Variants in TMEM178B observed in about 807,000 individuals in gnomAD.
The protein encoded by TMEM178B is transmembrane protein 178B.
In TMEM178B, 5 loss-of-function variants were observed where a neutral mutation model predicts 31.0. The observed-to-expected ratio is 0.16, with a 90% CI of 0.08 to 0.34. The LOEUF is 0.34. Ranked by LOEUF, TMEM178B falls within the 10% of genes least tolerant of loss-of-function variation. The probability of loss-of-function intolerance (pLI) is 1.00; values close to 1 mark genes in which losing one functional copy is unlikely to be tolerated. For missense variants in TMEM178B, 275 were observed against 400.3 expected (o/e 0.69, Z 2.67); for synonymous variants, 164 against 164.0 (o/e 1.00, Z 0.00).
At chr7:141,458,205 C>T (rs1224985372) in intron 3 of TMEM178B, among the ~76,000 whole-genome samples, 2 of 152,152 alleles carry the variant, frequency 1.3e-5, no homozygotes. Flanking sequence ...CTGCAACCTT[C>T]GTCTCCCGGG....
chr7:141,281,204 G>C (rs1798353525), intron 2 of TMEM178B, among the ~76,000 whole-genome samples: 1 of 152,082 alleles, frequency 6.6e-6, no homozygotes, highest in Non-Finnish European at 1.5e-5. Flanking sequence ...CTGCAGGGCT[G>C]CACCTAGAAT....
rs869132131 is a variant in TMEM178B at position 141,438,696 on chromosome 7, T to TAAAAAA, written c.634+976_634+981dup. Among the ~76,000 whole-genome samples the TAAAAAA allele has an allele frequency of 1.9e-3, 55 of 28,996 alleles. 8 individuals carry two copies. Among genetic ancestry groups the TAAAAAA allele is most frequent in the Admixed American group, 2.3e-3 (4 of 1,746 alleles). The allele number at this position is 28,996 out of a possible 152,430, so 19.0% of individuals were successfully genotyped here. ...CAGCTTGGTAAAACCCCGTCTCTAC[T>TAAAAAA]AAAAAAAAAAAAAAAAAAAAAAAAA... On this transcript the variant is annotated intron_variant, in intron 3 of 3. Coordinates refer to ENST00000565468, the MANE Select transcript of TMEM178B (RefSeq NM_001195278.2).
In TMEM178B at chr7:141,074,601, C is replaced by T. The variant is rs1242471659; in HGVS notation, c.291C>T (p.Cys97=). The change falls in exon 1 of 4, where the codon TGC becomes TGT. Residue 97 remains cysteine, a synonymous_variant. Transcript: ENST00000565468. This position sits in a 1 kb window ranked among gnomAD's most constrained non-coding sequence, Gnocchi z 5.1. ...QLFAMSPADE[C]SRQYNSTNMG... ...TCGCCATGAGCCCCGCGGACGAGTG[C>T]AGCCGGCAGTACAACTCCACCAACA... 6.5e-7 allele frequency: 1 copy of T among 1,535,748 alleles called. No individual in the cohort carries two copies. Among genetic ancestry groups the T allele is most frequent in the African/African-American group, 1.4e-5 (1 of 73,062 alleles).
intron 1 of TMEM178B, among the ~76,000 whole-genome samples, chr7:141,129,561 A>G (rs1795561177): frequency 1.3e-5 from 2 of 152,168 alleles, no homozygotes; most frequent in Non-Finnish European, 1.5e-5. Flanking sequence ...AATAAATATA[A>G]ACACTCTCTG....
At chr7:141,353,817 A>G (rs1039838387) in intron 2 of TMEM178B, among the ~76,000 whole-genome samples, 6 of 152,246 alleles carry the variant, frequency 3.9e-5, no homozygotes, top group Non-Finnish European at 8.8e-5. Flanking sequence ...ATTAAATCAA[A>G]CCAGAAAGAA....
chr7:141,160,660 G>A (rs1796154275), intron 1 of TMEM178B, among the ~76,000 whole-genome samples: 1 of 152,130 alleles, frequency 6.6e-6, no homozygotes, highest in Admixed American at 6.5e-5. Flanking sequence ...TGACTATTGA[G>A]AGCGGGCACA....
Position 141,324,449 on chromosome 7 carries a change from T to G in TMEM178B, c.496+111745T>G, listed in dbSNP as rs1036336185. ...TTTTTTTTTTTTTTTTTTTTTTTTT[T>G]TTTTCCTGAGCGATTGAAAAATGCA... On this transcript the variant is annotated intron_variant, in intron 2 of 3. Coordinates refer to ENST00000565468, the MANE Select transcript of TMEM178B (RefSeq NM_001195278.2). Among the ~76,000 whole-genome samples the G allele has an allele frequency of 2.2e-3, 258 of 118,194 alleles. 8 individuals are homozygous for G. Among genetic ancestry groups the G allele is most frequent in the African/African-American group, 7.3e-3 (232 of 31,870 alleles). 77.5% of individuals were successfully genotyped at this position (118,194 alleles called of 152,430 possible).
At chr7:141,109,077 C>T (rs552879232) in intron 1 of TMEM178B, among the ~76,000 whole-genome samples, 1 of 152,220 alleles carries the variant, frequency 6.6e-6, no homozygotes, top group Admixed American at 6.5e-5. Context: ...AGACCGCCCC[C>T]ATGATTCAAT....
chr7:141,376,578 A>G (rs944756236), intron 2 of TMEM178B, among the ~76,000 whole-genome samples: 11 of 152,218 alleles, frequency 7.2e-5, no homozygotes, highest in African/African-American at 2.7e-4. Flanking sequence ...AAAATTTTAG[A>G]TAGATATTTC....
chr7:141,235,330 G>A (rs1797511434), intron 2 of TMEM178B, among the ~76,000 whole-genome samples: 2 of 152,252 alleles, frequency 1.3e-5, no homozygotes, highest in South Asian at 4.1e-4. Context: ...GTACACAGCA[G>A]GCTAGAAACA....
chr7:141,481,785 A>G (rs1435139348), downstream of TMEM178B, among the ~76,000 whole-genome samples: 4 of 152,140 alleles, frequency 2.6e-5, no homozygotes, highest in African/African-American at 9.7e-5. Context: ...CTTAGAAGAG[A>G]GAAAGAATGG....
chr7:141,242,482 G>T (rs1340557214), intron 2 of TMEM178B, among the ~76,000 whole-genome samples: 1 of 34,478 alleles, frequency 2.9e-5, no homozygotes, highest in Non-Finnish European at 4.4e-5. Flanking sequence ...GTGTGAGTGT[G>T]TGTGTGTGTG....
chr7:141,394,474 GT>G (rs1433750279), intron 2 of TMEM178B, among the ~76,000 whole-genome samples: 1 of 152,158 alleles, frequency 6.6e-6, no homozygotes, highest in African/African-American at 2.4e-5. Context: ...TTATCTACAG[GT>G]TTTTGAACCT....
At chr7:141,337,146 T>C (rs62638831) in intron 2 of TMEM178B, among the ~76,000 whole-genome samples, 70 of 4,656 alleles carry the variant, frequency 0.015, no homozygotes, top group South Asian at 0.026. Flanking sequence ...ACCACCATCA[T>C]CACCACCACC....
At chr7:141,127,773 C>T (rs958865607) in intron 1 of TMEM178B, among the ~76,000 whole-genome samples, 21 of 152,170 alleles carry the variant, frequency 1.4e-4, no homozygotes, top group African/African-American at 5.1e-4. Flanking sequence ...CTTCTCTCCC[C>T]TTTGTGGTCA....
intron 2 of TMEM178B, among the ~76,000 whole-genome samples, chr7:141,393,655 A>T (rs145260002): frequency 2.2e-4 from 34 of 152,362 alleles, no homozygotes; most frequent in Non-Finnish European, 3.8e-4. Context: ...GAGAGACGAC[A>T]TTGTTAGAAA....
At chr7:141,085,139 G>A (rs1156824382) in intron 1 of TMEM178B, among the ~76,000 whole-genome samples, 4 of 146,718 alleles carry the variant, frequency 2.7e-5, no homozygotes, top group East Asian at 2.0e-4. Flanking sequence ...CAGCACTCTC[G>A]GCTAATTTGT....
intron 1 of TMEM178B, among the ~76,000 whole-genome samples, chr7:141,195,531 G>A (rs1456914333): frequency 1.3e-5 from 2 of 152,032 alleles, no homozygotes; most frequent in Non-Finnish European, 1.5e-5. Context: ...TATCACTATC[G>A]GCATTTTGGG....
At chr7:141,102,144 G>A (rs1322624169) in intron 1 of TMEM178B, among the ~76,000 whole-genome samples, 1 of 152,140 alleles carries the variant, frequency 6.6e-6, no homozygotes, top group Non-Finnish European at 1.5e-5. Context: ...CAGAGATTTT[G>A]TAATTAGTAG....
Sources: gnomAD v4.1 joint callset for allele counts (sites outside exome capture counted in the v4.1 genomes callset) on GRCh38, gnomAD v4.1.1 for gene constraint, Gnocchi (gnomAD v3.1) non-coding constraint, MANE v1.5 for transcripts, NCBI Gene and HGNC (gene_info 2026-07-23, HGNC 2026-07-21) for gene names.